Variants in CHST11 observed in about 807,000 individuals in gnomAD.
CHST11 encodes the protein C4S-1.
Under a neutral mutation model 30.4 loss-of-function variants are expected in CHST11, and 9 were observed. The ratio of observed to expected loss-of-function variants is 0.30; its 90% CI spans 0.18 to 0.52. The LOEUF (loss-of-function observed/expected upper bound fraction) is 0.52. Among genes scored for constraint, CHST11 ranks in the 20% least tolerant of loss-of-function variants. CHST11 has a pLI of 0.97. For synonymous variants in CHST11, 152 were observed against 187.8 expected (o/e 0.81, Z 1.56); for missense variants, 348 against 460.6 (o/e 0.76, Z 2.24).
Position 104,757,080 on chromosome 12 carries a change from G to T in CHST11, c.336G>T (p.Val112=), listed in dbSNP as rs1333240074. The T allele has an allele frequency of 2.5e-6, 4 of 1,614,130 alleles. No individual in the cohort carries two copies. The highest frequency in any genetic ancestry group is 8.5e-7 in the Non-Finnish European group (1 of 1,180,028). ...CCAACGACCTGAAGCACTTGGTGGT[G>T]GATGAGGACCACGAGCTCATCTACT... ...LTPNDLKHLV[V]DEDHELIYCY... is the part of the protein sequence containing the mutation. Residue 112 remains valine (V), a synonymous_variant, in exon 3 of 3, where the codon GTG becomes GTT. Coordinates refer to ENST00000303694, the MANE Select transcript of CHST11 (RefSeq NM_018413.6). This position sits in a 1 kb window ranked among gnomAD's most constrained non-coding sequence, Gnocchi z 6.5.
At chr12:104,649,755 C>T (rs2039473853) in intron 2 of CHST11, among the ~76,000 whole-genome samples, 1 of 152,182 alleles carries the variant, frequency 6.6e-6, no homozygotes, top group Admixed American at 6.5e-5. Flanking sequence ...AGTTTTGTGT[C>T]AGTGCATACA....
In CHST11 at chr12:104,507,411, A is replaced by G. The variant is rs190584372; in HGVS notation, c.118+49882A>G. ...GTTTTAACACATGAAAATGGCTAAG[A>G]GCAAAGGCTTTGGCACCGCTGCCTG... On this transcript the variant is annotated intron_variant, in intron 1 of 2. Transcript: ENST00000303694. 4.3e-3 allele frequency among the ~76,000 whole-genome samples: 654 copies of G among 152,258 alleles called. 7 individuals carry two copies. The highest frequency in any genetic ancestry group is 0.023 in the Admixed American group (351 of 15,298).
At chr12:104,582,883 AG>A (rs2038760741) in intron 1 of CHST11, among the ~76,000 whole-genome samples, 1 of 151,702 alleles carries the variant, frequency 6.6e-6, no homozygotes, top group African/African-American at 2.4e-5. Flanking sequence ...CCCAGCTCAC[AG>A]GTGGCCGCAA....
At chr12:104,498,246 G>C (rs73384116) in intron 1 of CHST11, among the ~76,000 whole-genome samples, 8,259 of 152,066 alleles carry the variant, frequency 0.054, 461 homozygotes, top group African/African-American at 0.14. Context: ...CTCTTGTTCT[G>C]TCCTACAGCT....
chr12:104,548,294 C>T (rs752134968), intron 1 of CHST11, among the ~76,000 whole-genome samples: 7 of 152,182 alleles, frequency 4.6e-5, no homozygotes, highest in Non-Finnish European at 1.0e-4. Context: ...TGCTGGTAAA[C>T]AGTTAACAAT....
intron 1 of CHST11, among the ~76,000 whole-genome samples, chr12:104,486,012 G>C (rs183054671): frequency 6.6e-6 from 1 of 152,200 alleles, no homozygotes; most frequent in Admixed American, 6.5e-5. Context: ...GCATGTGTGT[G>C]CATGTGTGCA....
At chr12:104,472,027 C>T (rs2037514488) in intron 1 of CHST11, among the ~76,000 whole-genome samples, 1 of 152,102 alleles carries the variant, frequency 6.6e-6, no homozygotes, top group South Asian at 2.1e-4. Context: ...GTGGCATGAT[C>T]ATAGTTCACT....
intron 2 of CHST11, among the ~76,000 whole-genome samples, chr12:104,649,576 A>G (rs1232379275): frequency 6.6e-6 from 1 of 152,176 alleles, no homozygotes; most frequent in Non-Finnish European, 1.5e-5. Flanking sequence ...AGACCAACCT[A>G]AGGGGGAGTA....
intron 2 of CHST11, among the ~76,000 whole-genome samples, chr12:104,714,931 A>C (rs1267028728): frequency 2.0e-5 from 3 of 152,170 alleles, no homozygotes. Flanking sequence ...TCCGATCCAG[A>C]CCCGAAGCAA....
intron 2 of CHST11, among the ~76,000 whole-genome samples, chr12:104,736,805 C>G (rs1264616719): frequency 1.3e-5 from 2 of 152,188 alleles, no homozygotes; most frequent in Non-Finnish European, 2.9e-5. Context: ...TTCAGTCCCC[C>G]ACACAGCGCT....
chr12:104,642,566 A>G (rs1811675596), intron 2 of CHST11, among the ~76,000 whole-genome samples: 1 of 151,928 alleles, frequency 6.6e-6, no homozygotes, highest in African/African-American at 2.4e-5. Context: ...ATGCCTGGCT[A>G]ATTTTTGTAT....
chr12:104,574,196 A>C (rs990434163), intron 1 of CHST11, among the ~76,000 whole-genome samples: 26 of 152,232 alleles, frequency 1.7e-4, no homozygotes, highest in African/African-American at 5.5e-4. Flanking sequence ...GCAATCATTA[A>C]AAAGTCCGGA....
chr12:104,541,174 C>T (rs2136001645), intron 1 of CHST11, among the ~76,000 whole-genome samples: 1 of 151,752 alleles, frequency 6.6e-6, no homozygotes, highest in South Asian at 2.1e-4. Flanking sequence ...TAAAAGCTTT[C>T]ATGTGCCCTG....
At chr12:104,677,120 T>G (rs2039749699) in intron 2 of CHST11, among the ~76,000 whole-genome samples, 1 of 152,198 alleles carries the variant, frequency 6.6e-6, no homozygotes. Flanking sequence ...CAAAATGAAG[T>G]AATGTGTGGA....
intron 1 of CHST11, among the ~76,000 whole-genome samples, chr12:104,519,921 T>C (rs2038059882): frequency 6.6e-6 from 1 of 152,192 alleles, no homozygotes; most frequent in African/African-American, 2.4e-5. Context: ...GGTGCAGGGT[T>C]GGTTCCTAAA....
At chr12:104,653,004 C>G (rs1241617693) in intron 2 of CHST11, among the ~76,000 whole-genome samples, 1 of 152,156 alleles carries the variant, frequency 6.6e-6, no homozygotes, top group Non-Finnish European at 1.5e-5. Flanking sequence ...GTAAAAAACA[C>G]ATAACCTAAA....
chr12:104,478,180 T>TAC (rs199755138), intron 1 of CHST11, among the ~76,000 whole-genome samples: 11 of 151,578 alleles, frequency 7.3e-5, no homozygotes, highest in Admixed American at 2.0e-4. Context: ...TGCTGATCGT[T>TAC]ACACACACAC....
At chr12:104,677,880 T>G (rs1379355020) in intron 2 of CHST11, among the ~76,000 whole-genome samples, 1 of 152,204 alleles carries the variant, frequency 6.6e-6, no homozygotes, top group Non-Finnish European at 1.5e-5. Context: ...TTGGCCCACA[T>G]TCCTCAAACA....
chr12:104,556,529 G>T (rs1488000003), intron 1 of CHST11, among the ~76,000 whole-genome samples: 1 of 152,172 alleles, frequency 6.6e-6, no homozygotes, highest in African/African-American at 2.4e-5. Flanking sequence ...TCTTTCCCAT[G>T]TCTCTCTCCT....
Sources: allele counts gnomAD v4.1 joint callset (sites outside exome capture counted in the v4.1 genomes callset), GRCh38; gene constraint gnomAD v4.1.1; non-coding constraint Gnocchi (gnomAD v3.1); transcripts MANE v1.5; gene names NCBI Gene and HGNC (gene_info 2026-07-23, HGNC 2026-07-21).